ATF7IP: variants seen among roughly 807,000 people sequenced by gnomAD.
ATF7IP encodes activating transcription factor 7-interacting protein 1.
Under a neutral mutation model 106.4 loss-of-function variants are expected in ATF7IP, and 23 were observed. The observed-to-expected ratio is 0.22, with a 90% CI of 0.16 to 0.31. The LOEUF (loss-of-function observed/expected upper bound fraction) is 0.31. Among genes scored for constraint, ATF7IP ranks in the 10% least tolerant of loss-of-function variants. ATF7IP has a pLI of 1.00. For missense variants in ATF7IP, 1,334 were observed against 1,524.3 expected, an observed-to-expected ratio of 0.88 and a Z score of 2.08; for synonymous variants, 542 against 539.0, an observed-to-expected ratio of 1.01 and a Z score of -0.08.
chr12:14,414,106 T>C (rs1055266634), intron 1 of ATF7IP, among the ~76,000 whole-genome samples: 11 of 152,188 alleles, frequency 7.2e-5, no homozygotes, highest in Admixed American at 6.5e-4. Flanking sequence ...TAGAACCTAG[T>C]TTTGTTAGTT....
rs148470060 is a variant in ATF7IP, at chr12:14,458,547, C to T, written c.2158+1252C>T. Among the ~76,000 whole-genome samples the T allele has an allele frequency of 8.4e-3, 1,277 of 152,270 alleles. 14 individuals are homozygous for T. Among genetic ancestry groups the T allele is most frequent in the Middle Eastern group, 0.061 (18 of 294 alleles). The stretch of plus-strand genomic sequence containing the variant: ...CATTAAAATCCATTTATTGGACAAG[C>T]GTGGTGGCTTACGACTGTAATCCCA... On this transcript the variant is annotated intron_variant, in intron 8 of 14. Transcript: ENST00000261168.
rs1381361873 is a variant in ATF7IP, at chr12:14,499,427, A to G, written c.*1354A>G. ...TGCACACTGTGTTAGAGATTATGAA[A>G]ACCATTCTAGTTCAGTTTATCACCC... On this transcript the variant is annotated 3_prime_UTR_variant, in exon 15 of 15. Transcript: ENST00000261168. 6.6e-6 allele frequency: 1 copy of G among 152,188 alleles called. No homozygotes were observed. The allele number at this position is 152,188 out of a possible 1,614,324, so 9.4% of individuals were successfully genotyped here. A position where few individuals can be genotyped will look rare whatever the true frequency, so the allele number is the denominator to read the frequency against.
At chr12:14,433,648 C>T (rs1184004200) in intron 2 of ATF7IP, among the ~76,000 whole-genome samples, 6 of 150,052 alleles carry the variant, frequency 4.0e-5, no homozygotes, top group South Asian at 4.2e-4. Flanking sequence ...CCAGCCTGGG[C>T]GACAAGAGCG....
intron 6 of ATF7IP, among the ~76,000 whole-genome samples, chr12:14,456,292 T>A (rs1225748449): frequency 1.3e-5 from 2 of 152,156 alleles, no homozygotes; most frequent in Non-Finnish European, 2.9e-5. Flanking sequence ...TTTAATTTAT[T>A]CTTCATAAGA....
intron 11 of ATF7IP, among the ~76,000 whole-genome samples, chr12:14,478,059 T>C (rs1944314655): frequency 1.3e-5 from 2 of 152,206 alleles, no homozygotes; most frequent in African/African-American, 4.8e-5. Flanking sequence ...ATTGTACTGA[T>C]TTACAAGTAA....
rs374340166 is a variant in ATF7IP at position 14,386,685 on chromosome 12, AT to A, written c.-8+20861del. Among the ~76,000 whole-genome samples the A allele has an allele frequency of 3.4e-4, 52 of 152,296 alleles. 1 individual carries two copies. The South Asian group carries it at 8.7e-3, about 25-fold the overall frequency. On this transcript the variant is annotated intron_variant, in intron 1 of 14. Transcript: ENST00000261168. ...GTAAACTTATTCACATGTCATGTGTATTTAATAAAATGACAATAATTATGCT... is the reference window on the plus strand; with the variant it reads ...GTAAACTTATTCACATGTCATGTGTATTAATAAAATGACAATAATTATGCT...
chr12:14,417,313 G>A, intron 1 of ATF7IP, among the ~76,000 whole-genome samples: 1 of 152,108 alleles, frequency 6.6e-6, no homozygotes, highest in East Asian at 1.9e-4. Context: ...CAGACATTTA[G>A]ATTTCATTAG....
At position 14,371,876 on chromosome 12, in the gene ATF7IP, GT is replaced by G. The variant is rs375398688; in HGVS notation, c.-8+6054del. Among the ~76,000 whole-genome samples, 76 of 152,154 alleles carry G rather than the reference GT, an allele frequency of 5.0e-4. No homozygotes were observed. In the South Asian group the frequency reaches 0.011, roughly 22 times the overall value. On this transcript the variant is annotated intron_variant, in intron 1 of 14. Transcript: ENST00000261168. Reference sequence around the variant, plus strand: ...AATTTATGCATTGGCTGCATACCTTGTTTTTCAAGGGAGTCACATGTATAAA... The same window carrying G: ...AATTTATGCATTGGCTGCATACCTTGTTTTCAAGGGAGTCACATGTATAAA...
At chr12:14,481,715 G>C (rs951444908) in intron 13 of ATF7IP, 31 of 344,738 alleles carry the variant, frequency 9.0e-5, no homozygotes, top group South Asian at 6.0e-4. Flanking sequence ...TACACAATTT[G>C]ATATTGGTAT....
chr12:14,443,958 A>G (rs1452608461), intron 5 of ATF7IP, among the ~76,000 whole-genome samples: 1 of 152,222 alleles, frequency 6.6e-6, no homozygotes, highest in Admixed American at 6.5e-5. Flanking sequence ...AAACCAAAAA[A>G]TAAAATTTTA....
At position 14,460,794 on chromosome 12, in the gene ATF7IP, C is replaced by A; in HGVS notation, c.2458C>A (p.Gln820Lys). The A allele has an allele frequency of 6.2e-7, 1 of 1,614,154 alleles. No individual in the cohort carries two copies. The highest frequency in any genetic ancestry group is 8.5e-7 in the Non-Finnish European group (1 of 1,180,012). The stretch of plus-strand genomic sequence containing the variant: ...TGGCAATGTTGAATTCATTTCTGTG[C>A]AAAGCCCACCTACAGTGAGTGGTCT... Reference protein sequence around the residue: ...PSGNVEFISVQSPPTVSGLTK... With the variant: ...PSGNVEFISVKSPPTVSGLTK... Residue 820 changes from glutamine (Q) to lysine (K), a missense_variant, in exon 9 of 15, where the codon CAA becomes AAA. This residue lies in a region of ATF7IP where 370 missense variants were observed against 401.2 expected (regional missense o/e 0.92). Coordinates refer to ENST00000261168, the MANE Select transcript of ATF7IP (RefSeq NM_018179.5).
chr12:14,457,468 T>G (rs968313438), intron 8 of ATF7IP, among the ~76,000 whole-genome samples, 173 bp downstream of exon 8: 2 of 152,162 alleles, frequency 1.3e-5, no homozygotes, highest in African/African-American at 4.8e-5. Context: ...CACATGCTTA[T>G]AGTCTCAGCT....
At chr12:14,453,450 C>A (rs1371737063) in intron 6 of ATF7IP, among the ~76,000 whole-genome samples, 1 of 151,914 alleles carries the variant, frequency 6.6e-6, no homozygotes, top group African/African-American at 2.4e-5. Context: ...TCGGTTTGAT[C>A]CGGTCTGCTC....
At chr12:14,476,957 A>AT (rs1218709135) in intron 11 of ATF7IP, among the ~76,000 whole-genome samples, 1 of 152,134 alleles carries the variant, frequency 6.6e-6, no homozygotes, top group Admixed American at 6.6e-5. Flanking sequence ...AGTTAAATTG[A>AT]TTTTTTTCTT....
In ATF7IP at chr12:14,488,352, A is replaced by G. The variant is rs1239521156; in HGVS notation, c.3280+7167A>G. Among the ~76,000 whole-genome samples the G allele has an allele frequency of 4.6e-5, 7 of 152,290 alleles. No homozygotes were observed. In the South Asian group the frequency reaches 1.2e-3, roughly 27 times the overall value. On this transcript the variant is annotated intron_variant, in intron 13 of 14. Transcript: ENST00000261168. ...TAGGAGCAAGGAAAGCTAGTCTGAC[A>G]CCCAAAAACAGAGGAACTTGGAGGC...
At chr12:14,390,714 TGGCCGTTA>T (rs1285484460) in intron 1 of ATF7IP, among the ~76,000 whole-genome samples, 1 of 152,262 alleles carries the variant, frequency 6.6e-6, no homozygotes, top group Non-Finnish European at 1.5e-5. Context: ...GATTAGATAA[TGGCCGTTA>T]GGCCATTACA....
At chr12:14,441,549 G>A (rs977342555) in intron 5 of ATF7IP, among the ~76,000 whole-genome samples, 7 of 147,402 alleles carry the variant, frequency 4.7e-5, no homozygotes, top group Non-Finnish European at 7.4e-5. Flanking sequence ...GAGTGCAATG[G>A]TGTGATCTTG....
intron 2 of ATF7IP, among the ~76,000 whole-genome samples, chr12:14,432,498 G>T (rs950543345): frequency 6.6e-6 from 1 of 152,170 alleles, no homozygotes; most frequent in African/African-American, 2.4e-5. Flanking sequence ...AGTAAATGGA[G>T]AGTTAATTTT....
intron 6 of ATF7IP, among the ~76,000 whole-genome samples, chr12:14,454,244 C>G (rs1366056433): frequency 6.6e-6 from 1 of 152,136 alleles, no homozygotes; most frequent in Non-Finnish European, 1.5e-5. Flanking sequence ...CCTCTCTACT[C>G]TGAAGCTCCC....
Sources: allele counts gnomAD v4.1 joint callset (sites outside exome capture counted in the v4.1 genomes callset), GRCh38; gene constraint gnomAD v4.1.1; regional missense constraint gnomAD v4.1.1; transcripts MANE v1.5; gene names NCBI Gene and HGNC (gene_info 2026-07-23, HGNC 2026-07-21).